The following PAK1 variants were observed in gnomAD, a reference collection of about 807,000 sequenced individuals.
The protein encoded by PAK1 is serine/threonine-protein kinase PAK 1.
Under a neutral mutation model 67.4 loss-of-function variants are expected in PAK1, and 29 were observed. The observed-to-expected ratio is 0.43, with a 90% CI of 0.32 to 0.59. The LOEUF is 0.59. PAK1 is among the 20% of genes least tolerant of loss of function. The pLI is 0.07. For synonymous variants in PAK1, 223 were observed against 237.4 expected, an observed-to-expected ratio of 0.94 and a Z score of 0.56; for missense variants, 337 against 670.7, an observed-to-expected ratio of 0.50 and a Z score of 5.50.
At chr11:77,419,946 TAAAG>T (rs551128720) in intron 1 of PAK1, among the ~76,000 whole-genome samples, 238 of 151,968 alleles carry the variant, frequency 1.6e-3, no homozygotes, top group African/African-American at 5.5e-3. Flanking sequence ...ACACTATAAG[TAAAG>T]AAACAAGCAA....
chr11:77,405,833 CAACT>C (rs1016429063), intron 1 of PAK1, among the ~76,000 whole-genome samples: 1 of 152,070 alleles, frequency 6.6e-6, no homozygotes, highest in Admixed American at 6.6e-5. Flanking sequence ...TTCTGTCTGC[CAACT>C]AACAATCTAC....
chr11:77,391,749 A>G (rs1292123323), intron 2 of PAK1, among the ~76,000 whole-genome samples: 1 of 152,224 alleles, frequency 6.6e-6, no homozygotes, highest in Non-Finnish European at 1.5e-5. Context: ...TATTCATCAT[A>G]TGATTACTCT....
intron 7 of PAK1, among the ~76,000 whole-genome samples, chr11:77,355,291 G>A (rs1450160534): frequency 6.6e-6 from 1 of 152,106 alleles, no homozygotes; most frequent in Non-Finnish European, 1.5e-5. Flanking sequence ...TCTTCTCCTA[G>A]GTCAATGGCA....
At chr11:77,349,999 T>C (rs538403572) in intron 8 of PAK1, among the ~76,000 whole-genome samples, 4 of 152,304 alleles carry the variant, frequency 2.6e-5, no homozygotes, top group African/African-American at 7.2e-5. Context: ...TGTACACTTA[T>C]GTATGCTATC....
chr11:77,414,692 C>CA (rs751079531), intron 1 of PAK1, among the ~76,000 whole-genome samples: 12 of 152,076 alleles, frequency 7.9e-5, no homozygotes, highest in East Asian at 1.9e-4. Context: ...CATCCACATC[C>CA]AAAAAAATCA....
chr11:77,477,245 AC>A (rs1958069352), upstream of PAK1, among the ~76,000 whole-genome samples: 1 of 152,226 alleles, frequency 6.6e-6, no homozygotes, highest in Non-Finnish European at 1.5e-5. Flanking sequence ...GGGTTCTGCA[AC>A]TTTAGGCAAA....
chr11:77,402,565 G>GGTTGAGGCCTGTAAGGCCTCATAAA (rs538370215), intron 1 of PAK1, among the ~76,000 whole-genome samples: 1 of 152,102 alleles, frequency 6.6e-6, no homozygotes, highest in Non-Finnish European at 1.5e-5. Context: ...CTGCCTTACA[G>GGTTGAGGCCTGTAAGGCCTCATAAA]GTTGAGGCCT....
intron 14 of PAK1, chr11:77,329,425 C>T (rs1425746152): frequency 6.6e-6 from 1 of 152,204 alleles, no homozygotes; most frequent in Non-Finnish European, 1.5e-5. Context: ...CATCAAAAAG[C>T]TTATCCGCCA....
At chr11:77,510,892 C>T in the PAK1 span, among the ~76,000 whole-genome samples, 5 of 152,186 alleles carry the variant, frequency 3.3e-5, no homozygotes, top group Admixed American at 6.5e-5. Flanking sequence ...TCTGAGTGAT[C>T]TCCCCTTCCT....
intron 1 of PAK1, among the ~76,000 whole-genome samples, chr11:77,459,398 A>T (rs1311111629): frequency 2.6e-5 from 4 of 152,218 alleles, no homozygotes; most frequent in African/African-American, 9.6e-5. Flanking sequence ...AGAAATAAAA[A>T]TAAACTGGTA....
chr11:77,392,777 C>G (rs914039728), intron 1 of PAK1, among the ~76,000 whole-genome samples: 1 of 152,204 alleles, frequency 6.6e-6, no homozygotes, highest in Non-Finnish European at 1.5e-5. Context: ...CATTCTGAGA[C>G]ATTGCAAAGC....
At chr11:77,435,250 C>A (rs1347250368) in intron 1 of PAK1, among the ~76,000 whole-genome samples, 2 of 152,078 alleles carry the variant, frequency 1.3e-5, no homozygotes, top group African/African-American at 4.8e-5. Context: ...TACCCATACA[C>A]ACATACACAA....
chr11:77,490,624 G>A, the PAK1 span, among the ~76,000 whole-genome samples: 1 of 152,360 alleles, frequency 6.6e-6, no homozygotes, highest in East Asian at 1.9e-4. Context: ...CCGTCTGGGA[G>A]GTGTGCCCAA....
At chr11:77,325,337 T>C (rs1265140765) in intron 14 of PAK1, 1 of 1,613,816 alleles carries the variant, frequency 6.2e-7, no homozygotes, top group Non-Finnish European at 8.5e-7. Context: ...CCAGCTATCA[T>C]GGAAAAGTTA....
At chr11:77,477,488 T>C (rs191885746), upstream of PAK1, among the ~76,000 whole-genome samples, 20 of 136,756 alleles carry the variant, frequency 1.5e-4, no homozygotes, top group Non-Finnish European at 6.0e-5. Context: ...CCCAGCACTT[T>C]GGGAGGCCAA....
intron 1 of PAK1, among the ~76,000 whole-genome samples, chr11:77,440,332 T>C (rs186122732): frequency 8.7e-4 from 132 of 152,244 alleles, no homozygotes; most frequent in Non-Finnish European, 1.4e-3. Flanking sequence ...GCCAGGAGTT[T>C]TGAGACCAGC....
At chr11:77,508,922 A>C in the PAK1 span, among the ~76,000 whole-genome samples, 1 of 145,048 alleles carries the variant, frequency 6.9e-6, no homozygotes. Context: ...GGCCTCCCAA[A>C]GTGTTGGGAT....
At chr11:77,473,369 C>A (rs1421837827) in intron 1 of PAK1, 183 bp downstream of exon 1, 5 of 152,192 alleles carry the variant, frequency 3.3e-5, no homozygotes, top group Non-Finnish European at 1.5e-5. Context: ...GTTGGCCCGA[C>A]GGGAGCGGGC....
intron 14 of PAK1, among the ~76,000 whole-genome samples, chr11:77,324,599 T>C (rs185562881): frequency 6.6e-6 from 1 of 152,224 alleles, no homozygotes; most frequent in Admixed American, 6.5e-5. Context: ...ATAAAAAATA[T>C]AGGAGCTATC....
Sources: allele counts gnomAD v4.1 joint callset (sites outside exome capture counted in the v4.1 genomes callset), GRCh38; gene constraint gnomAD v4.1.1; transcripts MANE v1.5; gene names NCBI Gene and HGNC (gene_info 2026-07-23, HGNC 2026-07-21).